The following CCSER1 variants were observed in gnomAD, a reference collection of about 807,000 sequenced individuals.
CCSER1 encodes coiled-coil serine rich protein 1, also known as serine-rich coiled-coil domain-containing protein 1.
In CCSER1, 41 loss-of-function variants were observed where a neutral mutation model predicts 82.0. That is an observed-to-expected ratio of 0.50 (90% confidence interval 0.39 to 0.65). The LOEUF is 0.65. Ranked by LOEUF, CCSER1 falls within the 30% of genes least tolerant of loss-of-function variation. The pLI is 0.00. For synonymous variants in CCSER1, 414 were observed against 383.9 expected (o/e 1.08, Z -0.92); for missense variants, 1,119 against 1,064.2 (o/e 1.05, Z -0.72).
At chr4:90,886,460 T>C (rs530347769) in intron 8 of CCSER1, among the ~76,000 whole-genome samples, 35 of 152,272 alleles carry the variant, frequency 2.3e-4, no homozygotes, top group African/African-American at 7.2e-4. Flanking sequence ...TTAAACACCA[T>C]TGGGGGAGAA....
At chr4:90,722,771 G>A (rs17017458) in intron 6 of CCSER1, among the ~76,000 whole-genome samples, 8,733 of 151,848 alleles carry the variant, frequency 0.058, 308 homozygotes, top group East Asian at 0.16. Flanking sequence ...CTTGGTTTCT[G>A]GACTAGGGAG....
At chr4:90,130,770 C>G (rs1722684753) in intron 1 of CCSER1, among the ~76,000 whole-genome samples, 1 of 151,470 alleles carries the variant, frequency 6.6e-6, no homozygotes, top group African/African-American at 2.4e-5. Context: ...ACTACAGGCG[C>G]ATGCCACCCC....
chr4:91,350,098 T>C (rs1411761730), intron 10 of CCSER1, among the ~76,000 whole-genome samples: 1 of 152,124 alleles, frequency 6.6e-6, no homozygotes, highest in African/African-American at 2.4e-5. Context: ...TATTGGAAAC[T>C]GGAAGTCATG....
intron 10 of CCSER1, among the ~76,000 whole-genome samples, chr4:91,127,282 A>C (rs1561569447): frequency 6.6e-6 from 1 of 152,058 alleles, no homozygotes. Flanking sequence ...TGTGAAAAAA[A>C]TTGAGAGATC....
Position 90,887,848 on chromosome 4 carries a change from C to T in CCSER1, c.2095-35522C>T, listed in dbSNP as rs545084070. 3.9e-5 allele frequency among the ~76,000 whole-genome samples: 6 copies of T among 152,218 alleles called. No individual in the cohort carries two copies. In the South Asian group the frequency reaches 8.3e-4, roughly 21 times the overall value. On this transcript the variant is annotated intron_variant, in intron 8 of 10. Transcript: ENST00000509176. ...AGTGAGCTGAGATCGCGCCACTGCA[C>T]TCCAGCCTGGCGACAGAGCAAGACT...
intron 10 of CCSER1, among the ~76,000 whole-genome samples, chr4:91,216,346 G>T (rs1670249754): frequency 6.6e-6 from 1 of 152,158 alleles, no homozygotes; most frequent in South Asian, 2.1e-4. Context: ...TTGAGACAGA[G>T]TCTCGCTCTG....
intron 3 of CCSER1, among the ~76,000 whole-genome samples, chr4:90,328,896 A>G (rs1170528205): frequency 6.6e-6 from 1 of 152,160 alleles, no homozygotes; most frequent in Non-Finnish European, 1.5e-5. Flanking sequence ...TCTATAAAAT[A>G]CCTTTAGTGT....
At chr4:90,825,269 T>A (rs1418190228) in intron 8 of CCSER1, among the ~76,000 whole-genome samples, 1 of 152,230 alleles carries the variant, frequency 6.6e-6, no homozygotes, top group Non-Finnish European at 1.5e-5. Context: ...AAATTAGGCA[T>A]GTAGTTGAAA....
At chr4:91,175,551 A>ATT (rs1299130018) in intron 10 of CCSER1, among the ~76,000 whole-genome samples, 1 of 151,964 alleles carries the variant, frequency 6.6e-6, no homozygotes, top group African/African-American at 2.4e-5. Flanking sequence ...TGTGGTTTTG[A>ATT]TTTGCATTTC....
At chr4:90,336,727 G>A (rs970088440) in intron 3 of CCSER1, among the ~76,000 whole-genome samples, 2 of 152,134 alleles carry the variant, frequency 1.3e-5, no homozygotes, top group Admixed American at 1.3e-4. Context: ...AGCAATCCTG[G>A]TGATGATGGT....
intron 9 of CCSER1, among the ~76,000 whole-genome samples, chr4:90,974,147 A>G (rs1485044121): frequency 1.1e-4 from 16 of 151,720 alleles, no homozygotes; most frequent in South Asian, 4.1e-4. Context: ...ATTTGCAGCA[A>G]TGTGACAAGA....
At chr4:90,711,852 A>G (rs1049294883) in intron 6 of CCSER1, among the ~76,000 whole-genome samples, 2 of 151,850 alleles carry the variant, frequency 1.3e-5, no homozygotes, top group South Asian at 2.1e-4. Flanking sequence ...AGAATGAACT[A>G]GGGAGAAGTA....
intron 10 of CCSER1, among the ~76,000 whole-genome samples, chr4:91,337,049 T>C (rs1285173668): frequency 1.3e-5 from 2 of 152,214 alleles, no homozygotes; most frequent in East Asian, 3.9e-4. Flanking sequence ...CATATTTACA[T>C]TGATGACAGC....
intron 10 of CCSER1, among the ~76,000 whole-genome samples, chr4:91,180,634 G>A (rs1435949893): frequency 2.6e-5 from 4 of 152,312 alleles, no homozygotes; most frequent in Admixed American, 2.6e-4. Context: ...ATCTCCTGGT[G>A]TGCCATTTGC....
At chr4:90,757,307 A>G (rs1291240596) in intron 7 of CCSER1, among the ~76,000 whole-genome samples, 2 of 152,218 alleles carry the variant, frequency 1.3e-5, no homozygotes, top group Non-Finnish European at 2.9e-5. Flanking sequence ...CAAAAAGCAG[A>G]TTGGCTGTTT....
chr4:90,916,755 A>G (rs1014127840), intron 8 of CCSER1, among the ~76,000 whole-genome samples: 7 of 152,194 alleles, frequency 4.6e-5, no homozygotes, highest in Admixed American at 2.6e-4. Context: ...AATTTTTGCA[A>G]TCTACTCATC....
At chr4:90,466,331 T>C (rs1490011484) in intron 4 of CCSER1, among the ~76,000 whole-genome samples, 4 of 152,200 alleles carry the variant, frequency 2.6e-5, no homozygotes, top group Admixed American at 1.3e-4. Flanking sequence ...ACTGCTGAGA[T>C]GGATGGGCCA....
intron 8 of CCSER1, among the ~76,000 whole-genome samples, chr4:90,835,053 G>T (rs769779852): frequency 1.3e-5 from 2 of 151,574 alleles, no homozygotes; most frequent in Admixed American, 6.6e-5. Flanking sequence ...CCTTTTTCTC[G>T]CTGGCCTGGT....
chr4:90,967,083 A>G (rs1734636610), intron 9 of CCSER1, among the ~76,000 whole-genome samples: 1 of 152,114 alleles, frequency 6.6e-6, no homozygotes, highest in South Asian at 2.1e-4. Flanking sequence ...TTGAGAATCC[A>G]AAACTAAACC....
Sources: gnomAD v4.1 joint callset for allele counts (sites outside exome capture counted in the v4.1 genomes callset) on GRCh38, gnomAD v4.1.1 for gene constraint, MANE v1.5 for transcripts, NCBI Gene and HGNC (gene_info 2026-07-23, HGNC 2026-07-21) for gene names.